Variants in MDGA2 observed in about 807,000 individuals in gnomAD.
MDGA2 encodes MAM domain-containing glycosylphosphatidylinositol anchor protein 2.
MDGA2 carries 40 observed loss-of-function variants against 117.8 expected under a neutral mutation model. The observed-to-expected ratio is 0.34, with a 90% confidence interval of 0.26 to 0.44. MDGA2 has a LOEUF of 0.44. MDGA2 is among the 20% of genes least tolerant of loss of function. The probability of loss-of-function intolerance (pLI) is 1.00; values close to 1 mark genes in which losing one functional copy is unlikely to be tolerated. For synonymous variants in MDGA2, 452 were observed against 439.0 expected, an observed-to-expected ratio of 1.03 and a Z score of -0.37; for missense variants, 1,123 against 1,250.6, an observed-to-expected ratio of 0.90 and a Z score of 1.54.
chr14:47,604,979 G>GT (rs908506504), intron 1 of MDGA2, among the ~76,000 whole-genome samples: 6 of 150,960 alleles, frequency 4.0e-5, no homozygotes, highest in East Asian at 2.0e-4. Context: ...CAAATTCATG[G>GT]TTTTTTTTTA....
intron 5 of MDGA2, among the ~76,000 whole-genome samples, chr14:47,102,391 ACAAAC>A (rs1880385229): frequency 6.5e-4 from 95 of 145,530 alleles, no homozygotes; most frequent in Admixed American, 2.3e-3. Context: ...ACACACACAC[ACAAAC>A]ACACACACAC....
intron 14 of MDGA2, among the ~76,000 whole-genome samples, chr14:46,856,751 T>C (rs1332748067): frequency 6.6e-6 from 1 of 152,076 alleles, no homozygotes; most frequent in Non-Finnish European, 1.5e-5. Context: ...CCTCTCTCCT[T>C]CCATTCCTTT....
chr14:47,257,002 GA>G (rs1887643889), intron 2 of MDGA2, among the ~76,000 whole-genome samples: 1 of 151,960 alleles, frequency 6.6e-6, no homozygotes, highest in Non-Finnish European at 1.5e-5. Context: ...AAAGGAAGGG[GA>G]TAGGAATGGG....
chr14:47,054,857 A>T (rs1480388157), intron 7 of MDGA2, among the ~76,000 whole-genome samples: 1 of 151,928 alleles, frequency 6.6e-6, no homozygotes, highest in Non-Finnish European at 1.5e-5. Context: ...TTAATTCAAG[A>T]TGGATTAAAG....
At chr14:47,218,426 A>G (rs1402946218) in intron 2 of MDGA2, among the ~76,000 whole-genome samples, 1 of 152,196 alleles carries the variant, frequency 6.6e-6, no homozygotes, top group East Asian at 1.9e-4. Context: ...AGAATTCATC[A>G]ATTGCCTAGT....
At chr14:47,297,213 T>C (rs1010085223) in intron 2 of MDGA2, among the ~76,000 whole-genome samples, 1 of 151,988 alleles carries the variant, frequency 6.6e-6, no homozygotes, top group Admixed American at 6.6e-5. Context: ...TTTAAGGAAA[T>C]GCAACGAACG....
intron 1 of MDGA2, among the ~76,000 whole-genome samples, chr14:47,483,961 T>C (rs1045566264): frequency 3.9e-5 from 6 of 152,198 alleles, no homozygotes; most frequent in Admixed American, 3.3e-4. Flanking sequence ...TCAAAACTCT[T>C]GAGATACAAA....
intron 2 of MDGA2, among the ~76,000 whole-genome samples, chr14:47,297,304 T>C (rs992137977): frequency 2.6e-5 from 4 of 151,948 alleles, no homozygotes; most frequent in Non-Finnish European, 4.4e-5. Flanking sequence ...GAGAAACATT[T>C]ATGTTAAATA....
At chr14:46,892,274 C>T (rs1882912977) in intron 10 of MDGA2, among the ~76,000 whole-genome samples, 1 of 151,568 alleles carries the variant, frequency 6.6e-6, no homozygotes, top group African/African-American at 2.4e-5. Context: ...AGAATAGCCT[C>T]TTCAGTAAAT....
At chr14:47,632,355 A>T (rs1897258061) in intron 1 of MDGA2, among the ~76,000 whole-genome samples, 1 of 152,166 alleles carries the variant, frequency 6.6e-6, no homozygotes, top group Non-Finnish European at 1.5e-5. Flanking sequence ...AAGTCTTTTT[A>T]ATCCTTAAAT....
chr14:47,406,035 G>A lies in MDGA2; in HGVS notation c.281-104485C>T, dbSNP rs1892253336. Among the ~76,000 whole-genome samples, 2 of 152,068 alleles carry A rather than the reference G, an allele frequency of 1.3e-5. 1 individual carries two copies. The highest frequency in any genetic ancestry group is 4.1e-4 in the South Asian group (2 of 4,830). ...GTCTAAACCTAGGTAATGGTCCAGA[G>A]AAACGAAAATTAATTGATCTCTTTA... On this transcript the variant is annotated intron_variant, in intron 1 of 16. Coordinates refer to ENST00000399232, the MANE Select transcript of MDGA2 (RefSeq NM_001113498.3).
chr14:47,582,685 C>G (rs1324204620), intron 1 of MDGA2, among the ~76,000 whole-genome samples: 1 of 151,820 alleles, frequency 6.6e-6, no homozygotes, highest in Non-Finnish European at 1.5e-5. Flanking sequence ...CAGGATGTAT[C>G]GATGCTAGGC....
chr14:47,408,056 CTTTTT>C (rs56285818), intron 1 of MDGA2, among the ~76,000 whole-genome samples: 6 of 115,184 alleles, frequency 5.2e-5, no homozygotes, highest in Non-Finnish European at 6.9e-5. Context: ...GGAGATTATT[CTTTTT>C]TTTTTTTTTT....
At chr14:47,027,363 C>T (rs1263286732) in intron 8 of MDGA2, among the ~76,000 whole-genome samples, 2 of 151,952 alleles carry the variant, frequency 1.3e-5, no homozygotes, top group Non-Finnish European at 2.9e-5. Context: ...TCTTGCCTGG[C>T]TTAATTTGTA....
At chr14:46,850,249 CATATAA>C in intron 15 of MDGA2, among the ~76,000 whole-genome samples, 1 of 151,844 alleles carries the variant, frequency 6.6e-6, no homozygotes, top group South Asian at 2.1e-4. Flanking sequence ...TGCTTTAAAA[CATATAA>C]ATATAGATGT....
chr14:46,858,514 G>C (rs1202361778), intron 14 of MDGA2, among the ~76,000 whole-genome samples: 53 of 143,580 alleles, frequency 3.7e-4, no homozygotes, highest in Non-Finnish European at 6.9e-4. Flanking sequence ...TGAAAGCTCC[G>C]CCTCCCGGGT....
At chr14:47,372,669 T>C (rs950821025) in intron 1 of MDGA2, among the ~76,000 whole-genome samples, 5 of 151,990 alleles carry the variant, frequency 3.3e-5, no homozygotes, top group Admixed American at 2.6e-4. Context: ...ATATAGTAAA[T>C]TTAAGAATTA....
chr14:47,138,890 A>G (rs1882582463), intron 4 of MDGA2, among the ~76,000 whole-genome samples: 1 of 152,100 alleles, frequency 6.6e-6, no homozygotes, highest in South Asian at 2.1e-4. Flanking sequence ...ATACTGCATT[A>G]TGTGCTTATG....
chr14:47,533,504 T>C (rs1453367041), intron 1 of MDGA2, among the ~76,000 whole-genome samples: 1 of 152,222 alleles, frequency 6.6e-6, no homozygotes, highest in East Asian at 1.9e-4. Context: ...ACTAAGAGGC[T>C]TGGAAGATAC....
Sources: allele counts gnomAD v4.1 joint callset (sites outside exome capture counted in the v4.1 genomes callset), GRCh38; gene constraint gnomAD v4.1.1; transcripts MANE v1.5; gene names NCBI Gene and HGNC (gene_info 2026-07-23, HGNC 2026-07-21).